Variants in MFHAS1 observed in about 807,000 individuals in gnomAD.
MFHAS1 encodes malignant fibrous histiocytoma-amplified sequence 1.
MFHAS1 carries 50 observed loss-of-function variants against 70.4 expected under a neutral mutation model. That is an observed-to-expected ratio of 0.71 (90% CI 0.57 to 0.90). The LOEUF (loss-of-function observed/expected upper bound fraction) is 0.90, where lower values mean the gene tolerates loss of function less well. MFHAS1 is among the 40% of genes least tolerant of loss of function. MFHAS1 has a pLI of 0.00. For missense variants in MFHAS1, 1,795 were observed against 1,347.6 expected, an observed-to-expected ratio of 1.33 and a Z score of -5.20; for synonymous variants, 952 against 620.0, an observed-to-expected ratio of 1.54 and a Z score of -7.96.
At position 8,789,990 on chromosome 8, in the gene MFHAS1, G is replaced by A. The variant is rs545975972; in HGVS notation, c.3126-3935C>T. ...CCCTTTCCCTACTTGTGACCATCCC[G>A]GTACTTTCCTGTGTAGTTCCTGAAG... On this transcript the variant is annotated intron_variant, in intron 2 of 2. Transcript: ENST00000276282. Among the ~76,000 whole-genome samples the A allele has an allele frequency of 1.7e-3, 265 of 151,946 alleles. 1 individual carries two copies. Among genetic ancestry groups the A allele is most frequent in the African/African-American group, 5.9e-3 (243 of 41,448 alleles).
chr8:8,885,749 G>A (rs371875459), intron 1 of MFHAS1, among the ~76,000 whole-genome samples: 31 of 152,336 alleles, frequency 2.0e-4, no homozygotes, highest in South Asian at 1.2e-3. Flanking sequence ...TTGCCCTGTC[G>A]CCCAGGCTGG....
intron 1 of MFHAS1, among the ~76,000 whole-genome samples, chr8:8,853,510 C>T (rs1808321779): frequency 6.8e-6 from 1 of 147,886 alleles, no homozygotes; most frequent in Non-Finnish European, 1.5e-5. Context: ...ACTTAGATTG[C>T]TAGTGCCTGG....
intron 2 of MFHAS1, among the ~76,000 whole-genome samples, chr8:8,791,780 G>A (rs960799508): frequency 6.6e-6 from 1 of 152,084 alleles, no homozygotes; most frequent in Non-Finnish European, 1.5e-5. Flanking sequence ...AATATCTAGG[G>A]CCTAATTAGG....
In MFHAS1 at chr8:8,890,647, C is replaced by G; in HGVS notation, c.2412G>C (p.Arg804=). 6.2e-7 allele frequency: 1 copy of G among 1,613,624 alleles called. No individual in the cohort carries two copies. Among genetic ancestry groups the G allele is most frequent in the East Asian group, 2.2e-5 (1 of 44,874 alleles). Residue 804 remains arginine (R), a synonymous_variant, in exon 1 of 3, where the codon CGG becomes CGC. Coordinates refer to ENST00000276282, the MANE Select transcript of MFHAS1 (RefSeq NM_004225.3). ...CCTGGACATGAGGCTTAAGCAGCAA[C>G]CGAATGACATGAGCTGGCAAGAGCC... is the stretch of plus-strand genomic sequence containing the variant. ...LHGLLPAHVI[R]LLLKPHVQAQ...
At chr8:8,826,602 G>A (rs936821811) in intron 1 of MFHAS1, among the ~76,000 whole-genome samples, 2 of 152,094 alleles carry the variant, frequency 1.3e-5, no homozygotes, top group Non-Finnish European at 2.9e-5. Flanking sequence ...GCGTGGTGGC[G>A]GGCGCCTGTA....
At chr8:8,814,456 G>T (rs1278968888) in intron 1 of MFHAS1, among the ~76,000 whole-genome samples, 1 of 152,200 alleles carries the variant, frequency 6.6e-6, no homozygotes, top group East Asian at 1.9e-4. Flanking sequence ...TTCGCACGAT[G>T]ACACAAGCGC....
At chr8:8,841,816 G>A (rs553711502) in intron 1 of MFHAS1, among the ~76,000 whole-genome samples, 4 of 152,284 alleles carry the variant, frequency 2.6e-5, no homozygotes, top group Admixed American at 6.5e-5. Context: ...CTTCCTGTTC[G>A]TATCCCAGAA....
intron 1 of MFHAS1, among the ~76,000 whole-genome samples, chr8:8,833,332 T>C (rs1485272461): frequency 6.6e-6 from 1 of 152,178 alleles, no homozygotes; most frequent in Admixed American, 6.6e-5. Context: ...GGCAGCTTCC[T>C]ATAAAGCTAG....
chr8:8,839,620 G>C (rs185499763), intron 1 of MFHAS1, among the ~76,000 whole-genome samples: 2 of 152,260 alleles, frequency 1.3e-5, no homozygotes, highest in East Asian at 1.9e-4. Flanking sequence ...CTGCAGATCT[G>C]ATGATGGCAT....
Position 8,892,038 on chromosome 8 carries a change from G to C in MFHAS1, c.1021C>G (p.Leu341Val), listed in dbSNP as rs781189412. 19 of 1,613,508 alleles carry C rather than the reference G, an allele frequency of 1.2e-5. No individual in the cohort carries two copies. Among genetic ancestry groups the C allele is most frequent in the Non-Finnish European group, 1.6e-5 (19 of 1,180,010 alleles). The change falls in exon 1 of 3, where the codon CTG becomes GTG. Residue 341 changes from leucine to valine, a missense_variant. By Grantham distance (32) the Leu-to-Val change is conservative (BLOSUM62 1). Transcript: ENST00000276282. The surrounding 1 kb of genome is among the most constrained non-coding windows in gnomAD (Gnocchi z 4.7). ...IRYLPDSIVE[L>V]TGLEELVLQG... Reference sequence around the variant, plus strand: ...AGCACGAGCTCCTCCAGGCCGGTCAGCTCCACGATGGAGTCCGGCAGGTAG... The same window carrying C: ...AGCACGAGCTCCTCCAGGCCGGTCACCTCCACGATGGAGTCCGGCAGGTAG...
Position 8,891,118 on chromosome 8 carries a change from C to T in MFHAS1, c.1941G>A (p.Glu647=), listed in dbSNP as rs1046066431. 2 of 1,613,766 alleles carry T rather than the reference C, an allele frequency of 1.2e-6. No homozygotes were observed. Among genetic ancestry groups the T allele is most frequent in the African/African-American group, 2.7e-5 (2 of 74,944 alleles). The change falls in exon 1 of 3, where the codon GAG becomes GAA. Residue 647 remains glutamate, a synonymous_variant. Coordinates refer to ENST00000276282, the MANE Select transcript of MFHAS1 (RefSeq NM_004225.3). The surrounding 1 kb of genome is among the most constrained non-coding windows in gnomAD (Gnocchi z 5.4). ...GTAAGTTGGGGAAGATCTCTCGGTG[C>T]TCAGCAACTGACAGCAACTTGTCCC... ...RLRDKLLSVA[E]HREIFPNLHR... is the part of the protein sequence containing the mutation.
chr8:8,800,812 C>T (rs1001349507), intron 1 of MFHAS1, among the ~76,000 whole-genome samples: 4 of 152,176 alleles, frequency 2.6e-5, no homozygotes, highest in African/African-American at 4.8e-5. Flanking sequence ...ATAACAACAG[C>T]AGATGCCAAG....
rs147227379 is a variant in MFHAS1, at chr8:8,805,143, C to T, written c.2999-7652G>A. On this transcript the variant is annotated intron_variant, in intron 1 of 2. Transcript: ENST00000276282. Reference sequence around the variant, plus strand: ...CCAATGCATTTGGTAAACGTTCAACCACAGAAAGCCAAGGGGAAAAAACTG... The same window carrying T: ...CCAATGCATTTGGTAAACGTTCAACTACAGAAAGCCAAGGGGAAAAAACTG... Among the ~76,000 whole-genome samples the T allele has an allele frequency of 1.2e-3, 190 of 152,196 alleles. 1 individual carries two copies. Among genetic ancestry groups the T allele is most frequent in the African/African-American group, 4.2e-3 (175 of 41,518 alleles).
At chr8:8,822,909 T>C (rs982344756) in intron 1 of MFHAS1, among the ~76,000 whole-genome samples, 1 of 152,068 alleles carries the variant, frequency 6.6e-6, no homozygotes, top group Admixed American at 6.5e-5. Flanking sequence ...GGGGTTGGAA[T>C]GACTGAAAAC....
At chr8:8,879,067 T>A (rs1809406901) in intron 1 of MFHAS1, among the ~76,000 whole-genome samples, 3 of 152,070 alleles carry the variant, frequency 2.0e-5, no homozygotes, top group African/African-American at 7.2e-5. Context: ...TAAGGACTAC[T>A]GCCAGGCATG....
At chr8:8,828,170 G>C (rs115395705) in intron 1 of MFHAS1, among the ~76,000 whole-genome samples, 1 of 152,120 alleles carries the variant, frequency 6.6e-6, no homozygotes, top group Non-Finnish European at 1.5e-5. Flanking sequence ...AAATATACAA[G>C]GGAACTCGTC....
chr8:8,887,991 G>A (rs1809836631), intron 1 of MFHAS1, among the ~76,000 whole-genome samples: 1 of 151,914 alleles, frequency 6.6e-6, no homozygotes, highest in Non-Finnish European at 1.5e-5. Flanking sequence ...TTTGGATTAA[G>A]AATGGCTTCA....
intron 1 of MFHAS1, among the ~76,000 whole-genome samples, chr8:8,877,754 C>T (rs1809351985): frequency 6.6e-6 from 1 of 152,178 alleles, no homozygotes; most frequent in Non-Finnish European, 1.5e-5. Flanking sequence ...TCCAAGGTCT[C>T]AAGAGAGCCC....
chr8:8,799,033 G>T (rs779501984), intron 1 of MFHAS1, among the ~76,000 whole-genome samples: 4 of 150,446 alleles, frequency 2.7e-5, no homozygotes, highest in Non-Finnish European at 4.4e-5. Context: ...GGGCGACAGA[G>T]TGAGAATCTG....
Sources: gnomAD v4.1 joint callset for allele counts (sites outside exome capture counted in the v4.1 genomes callset) on GRCh38, gnomAD v4.1.1 for gene constraint, Gnocchi (gnomAD v3.1) non-coding constraint, MANE v1.5 for transcripts, NCBI Gene and HGNC (gene_info 2026-07-23, HGNC 2026-07-21) for gene names.